The following CADM2 variants were observed in gnomAD, a reference collection of about 807,000 sequenced individuals.
CADM2 encodes immunoglobulin superfamily member 4D.
CADM2 carries 12 observed loss-of-function variants against 49.8 expected under a neutral mutation model. That is an observed-to-expected ratio of 0.24 (90% CI 0.15 to 0.39). The LOEUF (loss-of-function observed/expected upper bound fraction) is 0.39. CADM2 is among the 10% of genes least tolerant of loss of function. The pLI, the probability that CADM2 is intolerant of heterozygous loss-of-function variation, is 1.00. For missense variants in CADM2, 378 were observed against 492.3 expected (o/e 0.77, Z 2.20); for synonymous variants, 214 against 175.4 (o/e 1.22, Z -1.74).
chr3:85,391,462 AT>A (rs1265394069), intron 1 of CADM2, among the ~76,000 whole-genome samples: 2 of 152,172 alleles, frequency 1.3e-5, no homozygotes, highest in Admixed American at 1.3e-4. Context: ...TTTTGTCGGA[AT>A]AGTAAGACTG....
chr3:85,403,282 G>A (rs1031845227), intron 1 of CADM2, among the ~76,000 whole-genome samples: 2 of 151,990 alleles, frequency 1.3e-5, no homozygotes, highest in African/African-American at 4.8e-5. Flanking sequence ...GTTCTTTACT[G>A]CACACCAAAC....
At chr3:85,125,470 C>T (rs576741231) in intron 1 of CADM2, among the ~76,000 whole-genome samples, 46 of 152,148 alleles carry the variant, frequency 3.0e-4, no homozygotes, top group African/African-American at 1.1e-3. Flanking sequence ...GTGTTCCTTC[C>T]ACCTCAGCCT....
intron 1 of CADM2, among the ~76,000 whole-genome samples, chr3:85,567,692 G>C (rs1434800302): frequency 6.6e-6 from 1 of 152,068 alleles, no homozygotes; most frequent in Non-Finnish European, 1.5e-5. Context: ...GCAATTTTTA[G>C]GAAAATTGGC....
At chr3:86,016,595 A>G (rs1408424719) in intron 8 of CADM2, among the ~76,000 whole-genome samples, 2 of 152,164 alleles carry the variant, frequency 1.3e-5, no homozygotes, top group Non-Finnish European at 2.9e-5. Flanking sequence ...ACAGGCCAAC[A>G]CATTATCCTT....
chr3:85,114,390 G>A (rs935042980), intron 1 of CADM2, among the ~76,000 whole-genome samples: 3 of 152,096 alleles, frequency 2.0e-5, no homozygotes, highest in Non-Finnish European at 2.9e-5. Flanking sequence ...TAAGCAACAG[G>A]TAGTTGGTTC....
At chr3:85,995,948 G>A (rs1180098521) in intron 8 of CADM2, among the ~76,000 whole-genome samples, 1 of 151,764 alleles carries the variant, frequency 6.6e-6, no homozygotes, top group East Asian at 2.0e-4. Flanking sequence ...AAATTAGCCA[G>A]GCGTGGTGGC....
intron 1 of CADM2, among the ~76,000 whole-genome samples, chr3:85,410,864 C>T (rs1011196952): frequency 6.6e-6 from 1 of 152,144 alleles, no homozygotes; most frequent in African/African-American, 2.4e-5. Flanking sequence ...GAAAGAGGCA[C>T]AACCACAATG....
At chr3:85,321,134 T>TC (rs2044599827) in intron 1 of CADM2, among the ~76,000 whole-genome samples, 1 of 17,532 alleles carries the variant, frequency 5.7e-5, no homozygotes, top group Non-Finnish European at 1.0e-4. Context: ...TTTTTTTTTT[T>TC]TTTTTTTTTT....
intron 1 of CADM2, among the ~76,000 whole-genome samples, chr3:85,367,907 T>C (rs1353221849): frequency 2.0e-5 from 3 of 151,432 alleles, no homozygotes; most frequent in African/African-American, 7.3e-5. Context: ...GAATCTGCAG[T>C]TAGAGATGAC....
In CADM2 at chr3:85,086,509, C is replaced by CT. The variant is rs61269529; in HGVS notation, c.61+126861dup. 9.5e-3 allele frequency among the ~76,000 whole-genome samples: 973 copies of CT among 102,296 alleles called. 18 individuals carry two copies. The highest frequency in any genetic ancestry group is 0.028 in the South Asian group (91 of 3,204). The allele number at this position is 102,296 out of a possible 152,430, so 67.1% of individuals were successfully genotyped here. Reference sequence around the variant, plus strand: ...AAATATCAAAACATACAAGAATAAACTTTTTTTTTTTTTTTTTTTTGAGAT... The same window carrying CT: ...AAATATCAAAACATACAAGAATAAACTTTTTTTTTTTTTTTTTTTTTGAGAT... On this transcript the variant is annotated intron_variant, in intron 1 of 9. Transcript: ENST00000383699.
intron 3 of CADM2, among the ~76,000 whole-genome samples, chr3:85,807,515 A>AG (rs2072519155): frequency 6.6e-6 from 1 of 151,760 alleles, no homozygotes; most frequent in Non-Finnish European, 1.5e-5. Context: ...AAAAAAAAAA[A>AG]AAAGACAAAA....
intron 1 of CADM2, among the ~76,000 whole-genome samples, chr3:85,614,945 A>G (rs2063762312): frequency 6.6e-6 from 1 of 152,150 alleles, no homozygotes; most frequent in African/African-American, 2.4e-5. Flanking sequence ...ATTTCATTCT[A>G]AAATTCACTC....
intron 1 of CADM2, among the ~76,000 whole-genome samples, chr3:85,709,993 AC>A (rs1237173860): frequency 1.3e-5 from 2 of 152,132 alleles, no homozygotes; most frequent in African/African-American, 4.8e-5. Context: ...AAAGTGTGTT[AC>A]CTGAGTACTC....
intron 1 of CADM2, among the ~76,000 whole-genome samples, chr3:85,606,146 C>T (rs181878205): frequency 1.3e-5 from 2 of 152,168 alleles, no homozygotes; most frequent in Non-Finnish European, 2.9e-5. Flanking sequence ...CTTGGAACAA[C>T]CTTTTTTATT....
At chr3:85,788,558 C>T (rs1011499537) in intron 2 of CADM2, among the ~76,000 whole-genome samples, 1 of 151,964 alleles carries the variant, frequency 6.6e-6, no homozygotes, top group African/African-American at 2.4e-5. Flanking sequence ...TAATTTTATG[C>T]TTCCAGAGTA....
chr3:85,051,941 G>T (rs1189358503), intron 1 of CADM2, among the ~76,000 whole-genome samples: 1 of 152,044 alleles, frequency 6.6e-6, no homozygotes, highest in Non-Finnish European at 1.5e-5. Flanking sequence ...TTGCATTCCA[G>T]AGCCTAGAAA....
chr3:85,758,796 T>G (rs2069238858), intron 2 of CADM2, among the ~76,000 whole-genome samples: 1 of 152,148 alleles, frequency 6.6e-6, no homozygotes, highest in South Asian at 2.1e-4. Context: ...TGAGTCTTTT[T>G]TGGTACTAGA....
chr3:85,978,172 T>G (rs1255466180), intron 8 of CADM2, among the ~76,000 whole-genome samples: 2 of 151,578 alleles, frequency 1.3e-5, no homozygotes, highest in African/African-American at 2.4e-5. Flanking sequence ...TAGACAAGAT[T>G]TGACTCTCTG....
chr3:85,423,450 G>A (rs561198488), intron 1 of CADM2, among the ~76,000 whole-genome samples: 4 of 152,156 alleles, frequency 2.6e-5, no homozygotes, highest in African/African-American at 9.6e-5. Flanking sequence ...ACTAATTAAT[G>A]AATCTTAGCT....
Sources: gnomAD v4.1 joint callset for allele counts (sites outside exome capture counted in the v4.1 genomes callset) on GRCh38, gnomAD v4.1.1 for gene constraint, MANE v1.5 for transcripts, NCBI Gene and HGNC (gene_info 2026-07-23, HGNC 2026-07-21) for gene names.